Variants in GCAT observed in about 807,000 individuals in gnomAD.
The protein encoded by GCAT is glycine C-acetyltransferase.
A neutral mutation model predicts 39.7 loss-of-function variants in GCAT; 26 were observed. That is an observed-to-expected ratio of 0.65 (90% CI 0.48 to 0.91). GCAT has a LOEUF of 0.91. GCAT is among the 40% of genes least tolerant of loss of function. The pLI is 0.00. For synonymous variants in GCAT, 218 were observed against 237.2 expected (o/e 0.92, Z 0.74); for missense variants, 550 against 576.2 (o/e 0.95, Z 0.47).
At position 37,815,672 on chromosome 22, in the gene GCAT, C is replaced by A. The variant is rs142256511; in HGVS notation, c.824C>A (p.Thr275Lys). The A allele has an allele frequency of 1.2e-6, 2 of 1,611,166 alleles. No individual in the cohort carries two copies. Among genetic ancestry groups the A allele is most frequent in the Non-Finnish European group, 1.7e-6 (2 of 1,178,246 alleles). Reference sequence around the variant, plus strand: ...CTTCCCTTCTTCTCAGGGGGCTACACGACAGGGCCTGGGCCCCTGGTGTCC... The same window carrying A: ...CTTCCCTTCTTCTCAGGGGGCTACAAGACAGGGCCTGGGCCCCTGGTGTCC... ...KALGGASGGY[T>K]TGPGPLVSLL... The change falls in exon 7 of 9, where the codon ACG becomes AAG. Residue 275 changes from threonine to lysine, a missense_variant. Thr to Lys is a moderately conservative substitution (Grantham distance 78). Around this residue, in one of 3 missense-constraint regions of GCAT, gnomAD observed 378 missense variants for 390.4 expected, o/e 0.97. Transcript: ENST00000248924.
chr22:37,807,951 C>CGGGCGA lies in GCAT; in HGVS notation c.-14_-9dup. 2 of 1,476,332 alleles carry CGGGCGA rather than the reference C, an allele frequency of 1.4e-6. No individual in the cohort carries two copies. The highest frequency in any genetic ancestry group is 2.9e-5 in the East Asian group (1 of 34,500). 91.5% of individuals were successfully genotyped at this position (1,476,332 alleles called of 1,614,324 possible). A position where few individuals can be genotyped will look rare whatever the true frequency, so the allele number is the denominator to read the frequency against. On this transcript the variant is annotated 5_prime_UTR_variant, in exon 1 of 9. Transcript: ENST00000248924. ...CGGCTCCCAGGCAGGCAGGCGCGCT[C>CGGGCGA]GGGCGAGGTAGGAGCGATGTGGCCT...
chr22:37,815,830 C>A lies in GCAT; in HGVS notation c.982C>A (p.Gln328Lys), dbSNP rs1023719413. The change falls in exon 7 of 9, where the codon CAG (glutamine) becomes AAG (lysine). Residue 328 changes from glutamine to lysine, a missense_variant. Around this residue, in one of 3 missense-constraint regions of GCAT, gnomAD observed 378 missense variants for 390.4 expected, o/e 0.97. Transcript: ENST00000248924. Reference sequence around the variant, plus strand: ...TGTCCAGTCTATGGCTGCCAAGACCCAGAGGTGCGACTCCCAGCAGGGCAG... The same window carrying A: ...TGTCCAGTCTATGGCTGCCAAGACCAAGAGGTGCGACTCCCAGCAGGGCAG... The part of the protein sequence containing the change: ...TIVQSMAAKT[Q>K]RFRSKMEAAG... 1 of 1,613,892 alleles carries A rather than the reference C, an allele frequency of 6.2e-7. No homozygotes were observed. Among genetic ancestry groups the A allele is most frequent in the East Asian group, 2.2e-5 (1 of 44,888 alleles).
chr22:37,813,760 CATT>C, intron 4 of GCAT, 151 bp downstream of exon 4: 4 of 699,086 alleles, frequency 5.7e-6, no homozygotes, highest in African/African-American at 3.6e-5. Context: ...ACACCCAGAG[CATT>C]ATTCTTTTTT....
At position 37,807,942 on chromosome 22, in the gene GCAT, A is replaced by C. The variant is rs757176720; in HGVS notation, c.-26A>C. The stretch of plus-strand genomic sequence containing the variant: ...CGATGCGCACGGCTCCCAGGCAGGC[A>C]GGCGCGCTCGGGCGAGGTAGGAGCG... On this transcript the variant is annotated 5_prime_UTR_variant, in exon 1 of 9. Coordinates refer to ENST00000248924, the MANE Select transcript of GCAT (RefSeq NM_014291.4). The C allele has an allele frequency of 5.5e-6, 8 of 1,462,600 alleles. No homozygotes were observed. The South Asian group carries it at 9.4e-5, about 17-fold the overall frequency. 90.6% of individuals were successfully genotyped at this position (1,462,600 alleles called of 1,614,324 possible).
intron 7 of GCAT, 72 bp from the exon 8 acceptor site, chr22:37,816,128 C>A: frequency 1.3e-6 from 2 of 1,561,818 alleles, no homozygotes; most frequent in Non-Finnish European, 1.7e-6. Context: ...AGACCTCGGG[C>A]CTGGTCCCTG....
At chr22:37,809,819 CAAAA>C (rs373397808) in intron 1 of GCAT, 2 of 538,544 alleles carry the variant, frequency 3.7e-6, no homozygotes, top group Non-Finnish European at 6.6e-6. Context: ...GACCCTGTCT[CAAAA>C]AAAAAAAAGT....
intron 5 of GCAT, 43 bp from the exon 6 acceptor site, chr22:37,815,375 G>A: frequency 6.3e-7 from 1 of 1,595,116 alleles, no homozygotes; most frequent in African/African-American, 1.3e-5. Context: ...TAATCCCTGG[G>A]CTCTCAGGAG....
At chr22:37,809,986 C>T (rs377176654) in intron 1 of GCAT, 41 bp from the exon 2 acceptor site, 2 of 1,610,802 alleles carry the variant, frequency 1.2e-6, no homozygotes, top group African/African-American at 1.3e-5. Context: ...TGCCCTTGCC[C>T]CACCTGAGCT....
chr22:37,816,518 GC>G (rs1922215487), intron 8 of GCAT, 48 bp from the exon 9 acceptor site: 5 of 1,606,250 alleles, frequency 3.1e-6, no homozygotes, highest in African/African-American at 1.3e-5. Flanking sequence ...TCTGTGTTCT[GC>G]CCCCAAGCCT....
intron 7 of GCAT, 116 bp downstream of exon 7, chr22:37,815,950 C>G: frequency 8.4e-7 from 1 of 1,187,932 alleles, no homozygotes; most frequent in Non-Finnish European, 1.2e-6. Context: ...TCTGCCTGTT[C>G]CCCTCCCTTC....
rs1380551909 is a variant in GCAT at position 37,816,741 on chromosome 22, G to A, written c.*23G>A. On this transcript the variant is annotated 3_prime_UTR_variant, in exon 9 of 9. Transcript: ENST00000248924. ...TGAGCTCTGGGTAAGGACGAGAAGA[G>A]CCAAGGTCCGCCTACTGCCACAGGG... 5 of 1,612,764 alleles carry A rather than the reference G, an allele frequency of 3.1e-6. No homozygotes were observed. In the South Asian group the frequency reaches 5.5e-5, roughly 18 times the overall value.
In GCAT at chr22:37,811,179, A is replaced by G. The variant is rs555089174; in HGVS notation, c.327+1022A>G. 4.6e-5 allele frequency among the ~76,000 whole-genome samples: 7 copies of G among 152,212 alleles called. No individual in the cohort carries two copies. In the South Asian group the frequency reaches 1.5e-3, roughly 32 times the overall value. ...TAGGATCATTACAAATTAAAGACTT[A>G]ATACATGTAATGCTTAGAATAGGCC... On this transcript the variant is annotated intron_variant, in intron 2 of 8. Coordinates refer to ENST00000248924, the MANE Select transcript of GCAT (RefSeq NM_014291.4).
rs140185061 is a variant in GCAT, at chr22:37,816,666, G to A, written c.1208G>A (p.Arg403His). The change falls in exon 9 of 9, where the codon CGC becomes CAC. Residue 403 changes from arginine (R) to histidine (H), a missense_variant. Physicochemically the swap from Arg to His is conservative, Grantham distance 29. Transcript: ENST00000248924. Reference sequence around the variant, plus strand: ...GTGCATAGCGAGGAAGACATTGACCGCTGCGTGGAGGCCTTCGTGGAAGTG... The same window carrying A: ...GTGCATAGCGAGGAAGACATTGACCACTGCGTGGAGGCCTTCGTGGAAGTG... Reference protein sequence around the residue: ...SAVHSEEDIDRCVEAFVEVGR... With the variant: ...SAVHSEEDIDHCVEAFVEVGR... 56 of 1,614,074 alleles carry A rather than the reference G, an allele frequency of 3.5e-5. No individual in the cohort carries two copies. Among genetic ancestry groups the A allele is most frequent in the Middle Eastern group, 3.3e-4 (2 of 6,058 alleles).
chr22:37,808,195 C>A lies in GCAT; in HGVS notation c.196+32C>A, dbSNP rs894454237. 3.5e-6 allele frequency: 5 copies of A among 1,433,804 alleles called. No homozygotes were observed. In the African/African-American group the frequency reaches 7.5e-5, roughly 21 times the overall value. The allele number at this position is 1,433,804 out of a possible 1,614,324, so 88.8% of individuals were successfully genotyped here. ...CTCCGTTCCGGGAGTCGTTCCAAGA[C>A]CTTTCCCGAGCTTGCGCTGGAATGG... On this transcript the variant is annotated intron_variant, in intron 1 of 8. Transcript: ENST00000248924.
In GCAT at chr22:37,815,638, C is replaced by G. The variant is rs768541389; in HGVS notation, c.815-25C>G. 1.9e-6 allele frequency: 3 copies of G among 1,571,664 alleles called. No homozygotes were observed. In the East Asian group the frequency reaches 6.7e-5, roughly 35 times the overall value. On this transcript the variant is annotated intron_variant, in intron 6 of 8. Coordinates refer to ENST00000248924, the MANE Select transcript of GCAT (RefSeq NM_014291.4). ...GGCTCTGGCCCCTGACCAACCCCTC[C>G]CCCCACCTCTTCCCTTCTTCTCAGG...
intron 4 of GCAT, 40 bp downstream of exon 4, chr22:37,813,649 G>C: frequency 6.4e-7 from 1 of 1,551,432 alleles, no homozygotes. Flanking sequence ...CTCCGCCTGG[G>C]GAAGGAAGTG....
At position 37,816,879 on chromosome 22, in the gene GCAT, G is replaced by GT. The variant is rs1922266093; in HGVS notation, c.*162dup. 1 of 670,248 alleles carries GT rather than the reference G, an allele frequency of 1.5e-6. No individual in the cohort carries two copies. Among genetic ancestry groups the GT allele is most frequent in the Admixed American group, 2.8e-5 (1 of 35,534 alleles). 41.5% of individuals were successfully genotyped at this position (670,248 alleles called of 1,614,324 possible). A position where few individuals can be genotyped will look rare whatever the true frequency, so the allele number is the denominator to read the frequency against. On this transcript the variant is annotated 3_prime_UTR_variant, in exon 9 of 9. Transcript: ENST00000248924. ...AGGGCTGTGAGAATGTGAAACAACA[G>GT]TGTGAAAATTGGCTGTGACACTCTG...
intron 2 of GCAT, among the ~76,000 whole-genome samples, chr22:37,812,501 A>C (rs375459878): frequency 1.3e-5 from 2 of 152,192 alleles, no homozygotes; most frequent in African/African-American, 4.8e-5. Context: ...ACAGTTTTCA[A>C]ATTTACAAAT....
rs1291492272 is a variant in GCAT, at chr22:37,816,643, G to A, written c.1185G>A (p.Val395=). The change falls in exon 9 of 9, where the codon GTG becomes GTA. Residue 395 remains valine, a synonymous_variant. Coordinates refer to ENST00000248924, the MANE Select transcript of GCAT (RefSeq NM_014291.4). ...GGATCCGGGTACAGATCTCAGCAGTGCATAGCGAGGAAGACATTGACCGCT... is the reference window on the plus strand; with the variant it reads ...GGATCCGGGTACAGATCTCAGCAGTACATAGCGAGGAAGACATTGACCGCT... ...KARIRVQISA[V]HSEEDIDRCV... 5 of 1,614,162 alleles carry A rather than the reference G, an allele frequency of 3.1e-6. No homozygotes were observed. The highest frequency in any genetic ancestry group is 4.2e-6 in the Non-Finnish European group (5 of 1,180,018).
Sources: allele counts gnomAD v4.1 joint callset (sites outside exome capture counted in the v4.1 genomes callset), GRCh38; gene constraint gnomAD v4.1.1; regional missense constraint gnomAD v4.1.1; transcripts MANE v1.5; gene names NCBI Gene and HGNC (gene_info 2026-07-23, HGNC 2026-07-21).